EZH2: variants seen among roughly 807,000 people sequenced by gnomAD.
The protein encoded by EZH2 is enhancer of zeste 2 polycomb repressive complex 2 subunit.
A neutral mutation model predicts 98.4 loss-of-function variants in EZH2; 18 were observed. That is an observed-to-expected ratio of 0.18 (90% confidence interval 0.13 to 0.27). The LOEUF is 0.27. Ranked by LOEUF, EZH2 falls within the 10% of genes least tolerant of loss-of-function variation. The pLI, the probability that EZH2 is intolerant of heterozygous loss-of-function variation, is 1.00. For missense variants in EZH2, 470 were observed against 935.1 expected, an observed-to-expected ratio of 0.50 and a Z score of 6.49; for synonymous variants, 338 against 312.3, an observed-to-expected ratio of 1.08 and a Z score of -0.87.
intron 2 of EZH2, 113 bp from the exon 3 acceptor site, chr7:148,846,711 T>A (rs2129485180): frequency 1.1e-6 from 1 of 893,014 alleles, no homozygotes; most frequent in Non-Finnish European, 1.7e-6. Context: ...ATCAAGAACA[T>A]TTTCTTAGGT....
At chr7:148,850,930 A>G (rs1306178550) in intron 1 of EZH2, among the ~76,000 whole-genome samples, 1 of 152,226 alleles carries the variant, frequency 6.6e-6, no homozygotes, top group Non-Finnish European at 1.5e-5. Context: ...ATATATTGTT[A>G]CAAAAGTTAC....
intron 1 of EZH2, among the ~76,000 whole-genome samples, chr7:148,853,039 A>G (rs752907903): frequency 1.2e-4 from 19 of 152,268 alleles, no homozygotes; most frequent in East Asian, 3.9e-4. Context: ...GGTTTTGTGG[A>G]AGACAGTTTT....
intron 1 of EZH2, among the ~76,000 whole-genome samples, chr7:148,866,624 A>G (rs34900401): frequency 0.058 from 8,491 of 145,802 alleles, 348 homozygotes; most frequent in Middle Eastern, 0.13. Flanking sequence ...ATATATGCAT[A>G]TATGTATATA....
chr7:148,834,385 A>T (rs1330964286), intron 3 of EZH2, among the ~76,000 whole-genome samples: 1 of 145,856 alleles, frequency 6.9e-6, no homozygotes, highest in African/African-American at 2.7e-5. Context: ...ACACACACAT[A>T]TTAAATGTTT....
At chr7:148,871,249 G>A (rs544482522) in intron 1 of EZH2, among the ~76,000 whole-genome samples, 153 of 152,114 alleles carry the variant, frequency 1.0e-3, no homozygotes, top group Non-Finnish European at 1.9e-3. Flanking sequence ...GGGTAGGACT[G>A]TAAAAATCGT....
chr7:148,809,066 C>T lies in EZH2; in HGVS notation c.2195+5G>A, dbSNP rs2129467475. The T allele has an allele frequency of 6.2e-7, 1 of 1,612,882 alleles. No individual in the cohort carries two copies. The highest frequency in any genetic ancestry group is 8.5e-7 in the Non-Finnish European group (1 of 1,178,830). ...GAGATCATGCTAGAAATGTACTTTA[C>T]CAACCTGTAATCAAAAAACAGCTCT... On this transcript the variant is annotated splice_donor_5th_base_variant and intron_variant, in intron 19 of 19. Coordinates refer to ENST00000320356, the MANE Select transcript of EZH2 (RefSeq NM_004456.5).
At chr7:148,819,137 CCCTTA>C (rs1805321745) in intron 9 of EZH2, 2 of 438,648 alleles carry the variant, frequency 4.6e-6, no homozygotes, top group Admixed American at 5.4e-5. Context: ...TTTTCCTAAC[CCCTTA>C]CCTGTTCTCC....
chr7:148,884,207 C>CCGCG lies in EZH2; in HGVS notation c.-55_-52dup, dbSNP rs1821481995. The CCGCG allele has an allele frequency of 5.9e-6, 1 of 170,792 alleles. No homozygotes were observed. The highest frequency in any genetic ancestry group is 6.4e-5 in the Admixed American group (1 of 15,538). 10.6% of individuals were successfully genotyped at this position (170,792 alleles called of 1,614,324 possible). On this transcript the variant is annotated 5_prime_UTR_variant, in exon 1 of 20. Transcript: ENST00000320356. Reference sequence around the variant, plus strand: ...CTCGCGTTGTTCCCGCGCGTCGCCCCCGCGCGCCGCCGCCGCCGCCGCCGG... The same window carrying CCGCG: ...CTCGCGTTGTTCCCGCGCGTCGCCCCCGCGCGCGCGCCGCCGCCGCCGCCGCCGG...
chr7:148,836,006 C>T (rs1585073323), intron 3 of EZH2, among the ~76,000 whole-genome samples: 1 of 152,198 alleles, frequency 6.6e-6, no homozygotes, highest in African/African-American at 2.4e-5. Context: ...CAGTCCCATA[C>T]CTCTGTCATA....
Position 148,884,261 on chromosome 7 carries a change from G to A in EZH2, c.-105C>T. 1 of 182,302 alleles carries A rather than the reference G, an allele frequency of 5.5e-6. No individual in the cohort carries two copies. The highest frequency in any genetic ancestry group is 1.2e-5 in the Non-Finnish European group (1 of 85,566). 11.3% of individuals were successfully genotyped at this position (182,302 alleles called of 1,614,324 possible). Reference sequence around the variant, plus strand: ...TCCACTGCCTTCTGAGTCCCACCGGGTGTCGGACGCGACCGGACCGAGCGC... The same window carrying A: ...TCCACTGCCTTCTGAGTCCCACCGGATGTCGGACGCGACCGGACCGAGCGC... On this transcript the variant is annotated 5_prime_UTR_variant, in exon 1 of 20. Coordinates refer to ENST00000320356, the MANE Select transcript of EZH2 (RefSeq NM_004456.5).
chr7:148,857,534 G>C (rs370064326), intron 1 of EZH2, among the ~76,000 whole-genome samples: 1 of 152,016 alleles, frequency 6.6e-6, no homozygotes, highest in East Asian at 1.9e-4. Flanking sequence ...GGCGGATCAC[G>C]TAAGTCAGGA....
At chr7:148,807,866 CG>C (rs1801929943) in intron 19 of EZH2, among the ~76,000 whole-genome samples, 160 bp from the exon 20 acceptor site, 1 of 150,248 alleles carries the variant, frequency 6.7e-6, no homozygotes, top group African/African-American at 2.4e-5. Flanking sequence ...GCCTGCATAA[CG>C]GCACATTCAT....
chr7:148,810,486 C>A, intron 16 of EZH2, 72 bp from the exon 17 acceptor site: 1 of 1,031,244 alleles, frequency 9.7e-7, no homozygotes, highest in Admixed American at 1.8e-5. Context: ...CACAAAAGCG[C>A]ACAGAGTGAA....
chr7:148,842,881 C>T (rs947310339), intron 3 of EZH2, among the ~76,000 whole-genome samples: 4 of 151,574 alleles, frequency 2.6e-5, no homozygotes, highest in African/African-American at 9.7e-5. Context: ...GCCTGGAAAA[C>T]ATGGTATGAC....
At position 148,817,900 on chromosome 7, in the gene EZH2, T is replaced by G; in HGVS notation, c.1217A>C (p.Lys406Thr). ...ENNDKEEEEK[K>T]DETSSSSEAN... Reference sequence around the variant, plus strand: ...ACCAGAGGAGCTCGAAGTTTCATCTTTCTTCTCTTCTTCTTCTTTATCATT... The same window carrying G: ...ACCAGAGGAGCTCGAAGTTTCATCTGTCTTCTCTTCTTCTTCTTTATCATT... The change falls in exon 10 of 20, where the codon AAA becomes ACA. Residue 406 changes from lysine to threonine, a missense_variant. By Grantham distance (78) the Lys-to-Thr change is moderately conservative. Transcript: ENST00000320356. 6.2e-7 allele frequency: 1 copy of G among 1,614,234 alleles called. No homozygotes were observed. Among genetic ancestry groups the G allele is most frequent in the African/African-American group, 1.3e-5 (1 of 75,060 alleles).
At chr7:148,860,563 C>A (rs1301909961) in intron 1 of EZH2, among the ~76,000 whole-genome samples, 1 of 152,134 alleles carries the variant, frequency 6.6e-6, no homozygotes, top group Non-Finnish European at 1.5e-5. Flanking sequence ...ACCATTAACA[C>A]CATTCTTCAG....
intron 19 of EZH2, among the ~76,000 whole-genome samples, chr7:148,808,048 G>A (rs569087561): frequency 3.3e-5 from 5 of 152,306 alleles, no homozygotes; most frequent in South Asian, 2.1e-4. Context: ...TAGGCCTGAC[G>A]CTGGGAAGGC....
chr7:148,829,625 A>T lies in EZH2; in HGVS notation c.484+103T>A, dbSNP rs1156772838. ...TCCCTTATAGTTCAGTGCAAAACTT[A>T]ATTTTAATATTAAAATTTTTCTCAT... is the stretch of plus-strand genomic sequence containing the variant. On this transcript the variant is annotated intron_variant, in intron 5 of 19. Transcript: ENST00000320356. 3.1e-6 allele frequency: 4 copies of T among 1,307,778 alleles called. No homozygotes were observed. The Admixed American group carries it at 7.4e-5, about 24-fold the overall frequency. The allele number at this position is 1,307,778 out of a possible 1,614,324, so 81.0% of individuals were successfully genotyped here.
intron 1 of EZH2, among the ~76,000 whole-genome samples, chr7:148,872,125 C>T (rs1563071627): frequency 6.6e-6 from 1 of 152,176 alleles, no homozygotes; most frequent in African/African-American, 2.4e-5. Flanking sequence ...GCAGTCTATA[C>T]ATACAACGAA....
Sources: gnomAD v4.1 joint callset for allele counts (sites outside exome capture counted in the v4.1 genomes callset) on GRCh38, gnomAD v4.1.1 for gene constraint, MANE v1.5 for transcripts, NCBI Gene and HGNC (gene_info 2026-07-23, HGNC 2026-07-21) for gene names.